ADAMTS2: variants seen among roughly 807,000 people sequenced by gnomAD.
ADAMTS2 encodes A disintegrin and metalloproteinase with thrombospondin motifs 2.
In ADAMTS2, 50 loss-of-function variants were observed where a neutral mutation model predicts 123.0. That is an observed-to-expected ratio of 0.41 (90% confidence interval 0.32 to 0.51). The LOEUF is 0.51. ADAMTS2 is among the 20% of genes least tolerant of loss of function. The pLI is 0.35. For synonymous variants in ADAMTS2, 678 were observed against 695.4 expected (o/e 0.98, Z 0.39); for missense variants, 1,494 against 1,705.2 (o/e 0.88, Z 2.18).
At chr5:179,319,007 A>C (rs1757080725) in intron 2 of ADAMTS2, among the ~76,000 whole-genome samples, 1 of 152,202 alleles carries the variant, frequency 6.6e-6, no homozygotes, top group South Asian at 2.1e-4. Flanking sequence ...TGAAGATTTC[A>C]CACAGCCCTG....
rs1383736085 is a variant in ADAMTS2 at position 179,158,223 on chromosome 5, C to T, written c.1132+500G>A. On this transcript the variant is annotated intron_variant, in intron 6 of 21. Transcript: ENST00000251582. This position sits in a 1 kb window ranked among gnomAD's most constrained non-coding sequence, Gnocchi z 5.0. ...CTCGTGATCTACCTGCCTCCGACTC[C>T]CAAAGTGCTGGGATTACAGGTGTGA... 6.6e-6 allele frequency among the ~76,000 whole-genome samples: 1 copy of T among 152,164 alleles called. No individual in the cohort carries two copies.
chr5:179,124,914 T>C (rs1178509518), intron 19 of ADAMTS2, 59 bp downstream of exon 19: 30 of 1,588,460 alleles, frequency 1.9e-5, no homozygotes, highest in Non-Finnish European at 2.3e-5. Flanking sequence ...GGAGCGCACC[T>C]GCATGCCTGT....
chr5:179,335,556 T>C (rs1757592885), intron 2 of ADAMTS2, among the ~76,000 whole-genome samples: 3 of 152,346 alleles, frequency 2.0e-5, no homozygotes, highest in Non-Finnish European at 1.5e-5. Flanking sequence ...AACAGAAAGA[T>C]GGAAAAGTAG....
At chr5:179,216,968 C>A (rs1764997863) in intron 3 of ADAMTS2, among the ~76,000 whole-genome samples, 1 of 152,218 alleles carries the variant, frequency 6.6e-6, no homozygotes, top group African/African-American at 2.4e-5. Flanking sequence ...TATCGGATAG[C>A]CCAGTGCCCT....
intron 13 of ADAMTS2, among the ~76,000 whole-genome samples, chr5:179,134,825 TC>T (rs1763028521): frequency 6.1e-5 from 3 of 48,918 alleles, no homozygotes; most frequent in African/African-American, 3.0e-4. Context: ...AGCCCCCAGC[TC>T]CCGGCTCCAG....
At position 179,152,151 on chromosome 5, in the gene ADAMTS2, T is replaced by A; in HGVS notation, c.1620A>T (p.Ala540=). 1 of 1,613,714 alleles carries A rather than the reference T, an allele frequency of 6.2e-7. No individual in the cohort carries two copies. The highest frequency in any genetic ancestry group is 8.5e-7 in the Non-Finnish European group (1 of 1,179,708). ...KGPPLDGTMC[A]PGKHCFKGHC... Reference sequence around the variant, plus strand: ...CTTGATGCTGCCTCACCTTGCCAGGTGCACACATAGTCCCGTCCAAGGGGG... The same window carrying A: ...CTTGATGCTGCCTCACCTTGCCAGGAGCACACATAGTCCCGTCCAAGGGGG... Residue 540 remains alanine (A), a synonymous_variant, in exon 10 of 22, where the codon GCA becomes GCT. Transcript: ENST00000251582.
At chr5:179,302,315 T>C (rs1279565260) in intron 2 of ADAMTS2, among the ~76,000 whole-genome samples, 3 of 137,266 alleles carry the variant, frequency 2.2e-5, no homozygotes, top group Non-Finnish European at 4.6e-5. Context: ...TATAAAACAT[T>C]AGCCGGGCGT....
At chr5:179,182,741 T>G (rs1449951001) in intron 4 of ADAMTS2, among the ~76,000 whole-genome samples, 1 of 152,066 alleles carries the variant, frequency 6.6e-6, no homozygotes, top group Non-Finnish European at 1.5e-5. Flanking sequence ...CACCTCTCTT[T>G]CCTATAGGCA....
At chr5:179,184,509 T>TCAAAAAAAAAAAAAAAA (rs1290290563) in intron 4 of ADAMTS2, among the ~76,000 whole-genome samples, 1 of 91,412 alleles carries the variant, frequency 1.1e-5, no homozygotes, top group African/African-American at 4.6e-5. Context: ...AGACTCTGTC[T>TCAAAAAAAAAAAAAAAA]AAAAAAAAAA....
Position 179,130,519 on chromosome 5 carries a change from C to T in ADAMTS2, c.2291-421G>A, listed in dbSNP as rs769798331. The stretch of plus-strand genomic sequence containing the variant: ...ACATGACCCTGCTGGAGTAGGGCTT[C>T]CTGCCATGGGGTGAGTATATGTCTG... On this transcript the variant is annotated intron_variant, in intron 15 of 21. Coordinates refer to ENST00000251582, the MANE Select transcript of ADAMTS2 (RefSeq NM_014244.5). The surrounding 1 kb of genome is among the most constrained non-coding windows in gnomAD (Gnocchi z 4.3). 1.4e-4 allele frequency among the ~76,000 whole-genome samples: 21 copies of T among 152,324 alleles called. No individual in the cohort carries two copies. The highest frequency in any genetic ancestry group is 3.3e-4 in the Admixed American group (5 of 15,298).
At chr5:179,165,168 G>A (rs1457456153) in intron 5 of ADAMTS2, among the ~76,000 whole-genome samples, 2 of 152,164 alleles carry the variant, frequency 1.3e-5, no homozygotes, top group Non-Finnish European at 2.9e-5. Flanking sequence ...CACCTGCTGG[G>A]ATGCGACCTC....
rs139270395 is a variant in ADAMTS2 at position 179,301,293 on chromosome 5, C to T, written c.535-28229G>A. ...TTAGACTTAAATCCCCACTCTGTCA[C>T]TTGTGGCTATTTGGCCTCTTTCGAC... is the stretch of plus-strand genomic sequence containing the variant. On this transcript the variant is annotated intron_variant, in intron 2 of 21. Coordinates refer to ENST00000251582, the MANE Select transcript of ADAMTS2 (RefSeq NM_014244.5). Among the ~76,000 whole-genome samples the T allele has an allele frequency of 3.9e-5, 6 of 152,352 alleles. No homozygotes were observed. In the East Asian group the frequency reaches 9.6e-4, roughly 24 times the overall value.
chr5:179,145,005 T>C (rs1763228637), intron 10 of ADAMTS2, among the ~76,000 whole-genome samples: 3 of 152,190 alleles, frequency 2.0e-5, no homozygotes, highest in Admixed American at 6.5e-5. Flanking sequence ...GATAACAGAC[T>C]TGTATCCAGA....
At chr5:179,238,334 C>T (rs1021279723) in intron 3 of ADAMTS2, among the ~76,000 whole-genome samples, 49 of 152,292 alleles carry the variant, frequency 3.2e-4, no homozygotes, top group Non-Finnish European at 3.2e-4. Flanking sequence ...TCAGGGACTG[C>T]TCCTGGGAGA....
chr5:179,129,219 C>T lies in ADAMTS2; in HGVS notation c.2457+713G>A, dbSNP rs1762917303. 6.6e-6 allele frequency among the ~76,000 whole-genome samples: 1 copy of T among 152,168 alleles called. No homozygotes were observed. The highest frequency in any genetic ancestry group is 2.1e-4 in the South Asian group (1 of 4,822). ...CAGAAGTCACTGCAGGCGAGGCAGG[C>T]AGGGTGCCAGGGGGTACACGGGGCA... On this transcript the variant is annotated intron_variant, in intron 16 of 21. Coordinates refer to ENST00000251582, the MANE Select transcript of ADAMTS2 (RefSeq NM_014244.5). The surrounding 1 kb of genome is among the most constrained non-coding windows in gnomAD (Gnocchi z 4.1).
At position 179,200,055 on chromosome 5, in the gene ADAMTS2, C is replaced by T. The variant is rs577511363; in HGVS notation, c.891+7458G>A. Reference sequence around the variant, plus strand: ...CACCTTCCTCTGCTCTTTGAACAAGCGATCCCACATTTTCATTGTGCGTTG... The same window carrying T: ...CACCTTCCTCTGCTCTTTGAACAAGTGATCCCACATTTTCATTGTGCGTTG... On this transcript the variant is annotated intron_variant, in intron 4 of 21. Transcript: ENST00000251582. Among the ~76,000 whole-genome samples the T allele has an allele frequency of 2.4e-4, 37 of 152,218 alleles. 1 individual carries two copies. The highest frequency in any genetic ancestry group is 6.7e-4 in the African/African-American group (28 of 41,530).
intron 2 of ADAMTS2, among the ~76,000 whole-genome samples, chr5:179,343,532 C>A (rs763158650): frequency 2.6e-3 from 394 of 152,352 alleles, no homozygotes; most frequent in Non-Finnish European, 4.5e-3. Context: ...GCCTGCTGAG[C>A]CTTTTGGAGA....
intron 4 of ADAMTS2, among the ~76,000 whole-genome samples, chr5:179,205,143 G>A (rs1176601229): frequency 2.0e-5 from 3 of 152,214 alleles, no homozygotes; most frequent in South Asian, 2.1e-4. Flanking sequence ...GTGAGAGAAC[G>A]TTCTAGACAT....
intron 21 of ADAMTS2, among the ~76,000 whole-genome samples, chr5:179,119,664 C>T (rs368969261): frequency 1.3e-5 from 2 of 152,226 alleles, no homozygotes; most frequent in South Asian, 2.1e-4. Context: ...CCCAGCCCCC[C>T]ACCTGAGCCG....
Sources: allele counts gnomAD v4.1 joint callset (sites outside exome capture counted in the v4.1 genomes callset), GRCh38; gene constraint gnomAD v4.1.1; non-coding constraint Gnocchi (gnomAD v3.1); transcripts MANE v1.5; gene names NCBI Gene and HGNC (gene_info 2026-07-23, HGNC 2026-07-21).